The following AGBL1 variants were observed in gnomAD, a reference collection of about 807,000 sequenced individuals.
AGBL1 encodes the protein cytosolic carboxypeptidase 4.
A neutral mutation model predicts 118.9 loss-of-function variants in AGBL1; 130 were observed. The ratio of observed to expected loss-of-function variants is 1.09; its 90% CI spans 0.95 to 1.26. AGBL1 has a LOEUF of 1.26. Among genes scored for constraint, AGBL1 ranks in the 50% most tolerant of loss-of-function variants. AGBL1 has a pLI of 0.00. For synonymous variants in AGBL1, 555 were observed against 478.9 expected (o/e 1.16, Z -2.08); for missense variants, 1,584 against 1,298.1 (o/e 1.22, Z -3.38).
intron 21 of AGBL1, among the ~76,000 whole-genome samples, chr15:86,604,852 A>G (rs1480639898): frequency 6.9e-6 from 1 of 145,408 alleles, no homozygotes; most frequent in African/African-American, 2.6e-5. Context: ...TTAGAGTACA[A>G]TTATGTGATC....
At chr15:86,824,088 A>T (rs1221622360) in intron 22 of AGBL1, among the ~76,000 whole-genome samples, 1 of 152,066 alleles carries the variant, frequency 6.6e-6, no homozygotes, top group African/African-American at 2.4e-5. Flanking sequence ...AACAAGAAAA[A>T]AACAAATAAA....
At chr15:86,854,507 T>G (rs2079450622) in intron 22 of AGBL1, among the ~76,000 whole-genome samples, 1 of 152,252 alleles carries the variant, frequency 6.6e-6, no homozygotes, top group African/African-American at 2.4e-5. Flanking sequence ...GCCAAAGGAT[T>G]ATGATGTTCA....
intron 22 of AGBL1, among the ~76,000 whole-genome samples, chr15:86,740,100 G>C (rs2077656377): frequency 6.6e-6 from 1 of 152,146 alleles, no homozygotes; most frequent in South Asian, 2.1e-4. Flanking sequence ...GACTTGGCTA[G>C]AGCCTTAGTA....
At chr15:86,444,898 C>T (rs2082103870) in intron 18 of AGBL1, among the ~76,000 whole-genome samples, 1 of 152,056 alleles carries the variant, frequency 6.6e-6, no homozygotes, top group Non-Finnish European at 1.5e-5. Flanking sequence ...AATTTGGTTT[C>T]CCACAAAGTT....
chr15:86,301,168 T>C (rs2079738207), intron 17 of AGBL1, among the ~76,000 whole-genome samples: 1 of 152,152 alleles, frequency 6.6e-6, no homozygotes, highest in South Asian at 2.1e-4. Flanking sequence ...AAACTCTCAC[T>C]CTGGACATTT....
chr15:86,786,864 T>A (rs2078419494), intron 22 of AGBL1, among the ~76,000 whole-genome samples: 1 of 152,210 alleles, frequency 6.6e-6, no homozygotes, highest in South Asian at 2.1e-4. Context: ...CCTATCTCCT[T>A]GTACCCTTGT....
At chr15:86,427,469 T>A (rs952571385) in intron 18 of AGBL1, among the ~76,000 whole-genome samples, 9 of 152,070 alleles carry the variant, frequency 5.9e-5, no homozygotes, top group East Asian at 3.9e-4. Flanking sequence ...GTGTCTTTTA[T>A]GCTATTTTAT....
At chr15:86,954,948 G>T (rs931725201) in intron 23 of AGBL1, among the ~76,000 whole-genome samples, 2 of 152,064 alleles carry the variant, frequency 1.3e-5, no homozygotes, top group Non-Finnish European at 2.9e-5. Context: ...TAGAGTTCAC[G>T]TATCTTTACT....
intron 21 of AGBL1, among the ~76,000 whole-genome samples, chr15:86,595,622 A>T (rs1268940466): frequency 6.6e-6 from 1 of 151,992 alleles, no homozygotes; most frequent in African/African-American, 2.4e-5. Context: ...AGGGACCATC[A>T]CCTCTTTCTT....
At chr15:86,794,589 A>G (rs1237140627) in intron 22 of AGBL1, among the ~76,000 whole-genome samples, 2 of 152,180 alleles carry the variant, frequency 1.3e-5, no homozygotes, top group Non-Finnish European at 2.9e-5. Context: ...GTACTTTACA[A>G]TGATTAAAGT....
At chr15:86,509,942 G>A (rs1476493589) in intron 18 of AGBL1, among the ~76,000 whole-genome samples, 1 of 116,068 alleles carries the variant, frequency 8.6e-6, no homozygotes, top group African/African-American at 3.6e-5. Flanking sequence ...CAAGGCTGAA[G>A]CTCATTTTTT....
At chr15:86,316,331 T>A (rs1450086234) in intron 17 of AGBL1, among the ~76,000 whole-genome samples, 1 of 152,178 alleles carries the variant, frequency 6.6e-6, no homozygotes, top group African/African-American at 2.4e-5. Flanking sequence ...CTGTGCTTGA[T>A]TCATTTTTTC....
intron 23 of AGBL1, among the ~76,000 whole-genome samples, chr15:86,931,001 A>C (rs1002858035): frequency 6.6e-6 from 1 of 152,208 alleles, no homozygotes; most frequent in Non-Finnish European, 1.5e-5. Flanking sequence ...GCTGGCATGT[A>C]GACCTCAGAT....
chr15:86,650,193 A>G (rs2085347175), intron 21 of AGBL1, among the ~76,000 whole-genome samples: 1 of 152,160 alleles, frequency 6.6e-6, no homozygotes, highest in Non-Finnish European at 1.5e-5. Flanking sequence ...TAGTAACAGA[A>G]TCCCTTTCCC....
intron 22 of AGBL1, among the ~76,000 whole-genome samples, chr15:86,730,291 T>G (rs1408921310): frequency 2.0e-5 from 3 of 152,094 alleles, no homozygotes; most frequent in African/African-American, 7.2e-5. Flanking sequence ...AGCCTCTGCA[T>G]AGCAAGAGAA....
chr15:86,338,947 A>T (rs1165962392), intron 17 of AGBL1, among the ~76,000 whole-genome samples: 1 of 152,178 alleles, frequency 6.6e-6, no homozygotes. Context: ...GTAACCCTCT[A>T]CTAGAGGGTT....
intron 21 of AGBL1, among the ~76,000 whole-genome samples, chr15:86,593,386 C>T (rs1222818747): frequency 6.6e-6 from 1 of 151,806 alleles, no homozygotes; most frequent in Non-Finnish European, 1.5e-5. Context: ...TCAGACAGAC[C>T]TAGGAGATAG....
intron 18 of AGBL1, among the ~76,000 whole-genome samples, chr15:86,422,256 C>G (rs1385791254): frequency 6.6e-6 from 1 of 152,152 alleles, no homozygotes; most frequent in Admixed American, 6.6e-5. Flanking sequence ...TCTCTCAGAC[C>G]AAAGTGCAAT....
chr15:86,923,085 C>A (rs1172838392), intron 23 of AGBL1, among the ~76,000 whole-genome samples: 1 of 152,184 alleles, frequency 6.6e-6, no homozygotes, highest in Non-Finnish European at 1.5e-5. Flanking sequence ...GGCAGGGATG[C>A]AATCGCTGAA....
Sources: allele counts gnomAD v4.1 joint callset (sites outside exome capture counted in the v4.1 genomes callset), GRCh38; gene constraint gnomAD v4.1.1; transcripts MANE v1.5; gene names NCBI Gene and HGNC (gene_info 2026-07-23, HGNC 2026-07-21).